The following CTXN3 variants were observed in gnomAD, a reference collection of about 807,000 sequenced individuals.
CTXN3 encodes the protein cortexin 3.
CTXN3 carries 4 observed loss-of-function variants against 5.0 expected under a neutral mutation model. That is an observed-to-expected ratio of 0.79 (90% confidence interval 0.39 to 1.82). CTXN3 has a LOEUF of 1.82. CTXN3 is among the 40% of genes most tolerant of loss of function. CTXN3 has a pLI of 0.04. For missense variants in CTXN3, 89 were observed against 99.7 expected, an observed-to-expected ratio of 0.89 and a Z score of 0.46; for synonymous variants, 48 against 38.6, an observed-to-expected ratio of 1.24 and a Z score of -0.91.
chr5:127,657,352 T>C, intron 2 of CTXN3, 71 bp from the exon 3 acceptor site: 1 of 657,212 alleles, frequency 1.5e-6, no homozygotes, highest in Non-Finnish European at 2.5e-6. Flanking sequence ...CTCTGAAAAA[T>C]ATGACTGTGA....
rs1223390831 is a variant in CTXN3, at chr5:127,658,492, A to C, written c.*725A>C. On this transcript the variant is annotated 3_prime_UTR_variant, in exon 3 of 3. Transcript: ENST00000379445. ...AATTTACACTTTACACAAATGATTT[A>C]AAAAATAGGTTGCAAGTGCAGCTTA... The C allele has an allele frequency of 6.0e-6, 1 of 167,146 alleles. No homozygotes were observed. The highest frequency in any genetic ancestry group is 2.4e-5 in the African/African-American group (1 of 41,472). 10.4% of individuals were successfully genotyped at this position (167,146 alleles called of 1,614,324 possible). A position where few individuals can be genotyped will look rare whatever the true frequency, so the allele number is the denominator to read the frequency against.
intron 2 of CTXN3, among the ~76,000 whole-genome samples, chr5:127,654,651 G>C (rs1749864610): frequency 6.6e-6 from 1 of 152,188 alleles, no homozygotes; most frequent in Admixed American, 6.5e-5. Context: ...GAAAGTATGA[G>C]AGTTGATCCA....
Position 127,657,734 on chromosome 5 carries a change from G to A in CTXN3, c.213G>A (p.Leu71=), listed in dbSNP as rs1359498132. 6.2e-7 allele frequency: 1 copy of A among 1,614,068 alleles called. No individual in the cohort carries two copies. Among genetic ancestry groups the A allele is most frequent in the Non-Finnish European group, 8.5e-7 (1 of 1,180,024 alleles). The stretch of plus-strand genomic sequence containing the variant: ...CCTGGGCTGATGGACTTGAAGGCCT[G>A]GAGAAAGGGCAGTTCGACCATGCCC... ...TSTWADGLEG[L]EKGQFDHALA The change falls in exon 3 of 3, where the codon CTG becomes CTA. Residue 71 remains leucine, a synonymous_variant. Coordinates refer to ENST00000379445, the MANE Select transcript of CTXN3 (RefSeq NM_001048252.3).
chr5:127,649,360 G>A lies in CTXN3; in HGVS notation c.-235G>A, dbSNP rs917509934. 1 of 152,160 alleles carries A rather than the reference G, an allele frequency of 6.6e-6. No homozygotes were observed. The allele number at this position is 152,160 out of a possible 1,614,324, so 9.4% of individuals were successfully genotyped here. A position where few individuals can be genotyped will look rare whatever the true frequency, so the allele number is the denominator to read the frequency against. ...ACCTGTAACTGTTCCACCAGGAAATGGATCAAGTGTTTGTTCAGCCAGAGC... is the reference window on the plus strand; with the variant it reads ...ACCTGTAACTGTTCCACCAGGAAATAGATCAAGTGTTTGTTCAGCCAGAGC... On this transcript the variant is annotated 5_prime_UTR_variant, in exon 1 of 3. The change abolishes an upstream ATG in the 5' untranslated region. Transcript: ENST00000379445.
At chr5:127,655,945 T>G (rs12519747) in intron 2 of CTXN3, among the ~76,000 whole-genome samples, 26,187 of 152,130 alleles carry the variant, frequency 0.17, 2,725 homozygotes, top group East Asian at 0.3. Flanking sequence ...TTTTTTAAAC[T>G]GTAATTTTAC....
At chr5:127,654,814 G>A (rs1749868688) in intron 2 of CTXN3, among the ~76,000 whole-genome samples, 2 of 152,128 alleles carry the variant, frequency 1.3e-5, no homozygotes, top group Non-Finnish European at 2.9e-5. Context: ...CTTGTGCTGA[G>A]GAGGTCATTC....
chr5:127,650,233 C>T (rs1749755994), intron 1 of CTXN3, among the ~76,000 whole-genome samples: 2 of 152,156 alleles, frequency 1.3e-5, no homozygotes, highest in South Asian at 4.1e-4. Flanking sequence ...TGCAGGCTGA[C>T]TTTGCAGAAA....
chr5:127,657,933 T>G lies in CTXN3; in HGVS notation c.*166T>G. On this transcript the variant is annotated 3_prime_UTR_variant, in exon 3 of 3. Coordinates refer to ENST00000379445, the MANE Select transcript of CTXN3 (RefSeq NM_001048252.3). Reference sequence around the variant, plus strand: ...CAGTTGGGTTAAAGACATTTGAGGATGTTGGAAATGGACACTTATATAACT... The same window carrying G: ...CAGTTGGGTTAAAGACATTTGAGGAGGTTGGAAATGGACACTTATATAACT... 1.3e-6 allele frequency: 1 copy of G among 784,504 alleles called. No individual in the cohort carries two copies. The highest frequency in any genetic ancestry group is 2.0e-6 in the Non-Finnish European group (1 of 494,566). The allele number at this position is 784,504 out of a possible 1,614,324, so 48.6% of individuals were successfully genotyped here. A position where few individuals can be genotyped will look rare whatever the true frequency, so the allele number is the denominator to read the frequency against.
rs372567119 is a variant in CTXN3, at chr5:127,654,443, C to A, written c.-100+1020C>A. ...TCAAATTAAAACTGATTTTAAAAAT[C>A]ATTCTAATACTTGGCATCCTCGTGC... On this transcript the variant is annotated intron_variant, in intron 2 of 2. Coordinates refer to ENST00000379445, the MANE Select transcript of CTXN3 (RefSeq NM_001048252.3). Among the ~76,000 whole-genome samples the A allele has an allele frequency of 1.4e-4, 21 of 152,304 alleles. No homozygotes were observed. The South Asian group carries it at 2.3e-3, about 17-fold the overall frequency.
At chr5:127,654,852 G>A (rs193202455) in intron 2 of CTXN3, among the ~76,000 whole-genome samples, 2 of 152,236 alleles carry the variant, frequency 1.3e-5, no homozygotes, top group Non-Finnish European at 2.9e-5. Context: ...TCTCTATCTA[G>A]TTCTTACCTG....
Position 127,657,849 on chromosome 5 carries a change from C to A in CTXN3, c.*82C>A. ...GATTCCCTTTATTTAGTGTTCTCAA[C>A]AAATCAAATTTAAACAATATTTGGT... On this transcript the variant is annotated 3_prime_UTR_variant, in exon 3 of 3. Transcript: ENST00000379445. The A allele has an allele frequency of 6.6e-7, 1 of 1,508,956 alleles. No individual in the cohort carries two copies. The highest frequency in any genetic ancestry group is 1.2e-5 in the South Asian group (1 of 81,166). The allele number at this position is 1,508,956 out of a possible 1,614,324, so 93.5% of individuals were successfully genotyped here. A position where few individuals can be genotyped will look rare whatever the true frequency, so the allele number is the denominator to read the frequency against.
At chr5:127,650,200 C>T (rs769347142) in intron 1 of CTXN3, among the ~76,000 whole-genome samples, 12 of 152,158 alleles carry the variant, frequency 7.9e-5, no homozygotes, top group African/African-American at 2.9e-4. Flanking sequence ...ACAGGGTCCA[C>T]TCCCAGCCCA....
chr5:127,653,005 A>T (rs1469462242), intron 1 of CTXN3: 1 of 152,260 alleles, frequency 6.6e-6, no homozygotes, highest in Non-Finnish European at 1.5e-5. Context: ...GGCTGTGGAC[A>T]CTGGGGTGCA....
chr5:127,654,794 A>G (rs1046157378), intron 2 of CTXN3, among the ~76,000 whole-genome samples: 6 of 152,144 alleles, frequency 3.9e-5, no homozygotes, highest in Admixed American at 1.3e-4. Context: ...TCACCGTCCT[A>G]GTCAGCCTGC....
rs1165304940 is a variant in CTXN3 at position 127,649,202 on chromosome 5, T to C, written c.-393T>C. On this transcript the variant is annotated 5_prime_UTR_variant, in exon 1 of 3. It removes the in-frame stop codon of an upstream open reading frame in the 5' UTR. Transcript: ENST00000379445. ...ACGATGCTCCTTTAACTCGGGGTTT[T>C]AATGGGAAGTTTCTAAGCCTGAAAC... 6.6e-6 allele frequency: 1 copy of C among 152,224 alleles called. No homozygotes were observed. Among genetic ancestry groups the C allele is most frequent in the African/African-American group, 2.4e-5 (1 of 41,448 alleles). 9.4% of individuals were successfully genotyped at this position (152,224 alleles called of 1,614,324 possible). A position where few individuals can be genotyped will look rare whatever the true frequency, so the allele number is the denominator to read the frequency against.
At chr5:127,649,632 G>T (rs67143037) in intron 1 of CTXN3, among the ~76,000 whole-genome samples, 19,198 of 152,184 alleles carry the variant, frequency 0.13, 1,400 homozygotes, top group Non-Finnish European at 0.16. Flanking sequence ...ACTGGATGAA[G>T]AAGTAGTAAA....
chr5:127,656,337 C>A (rs1749906959), intron 2 of CTXN3, among the ~76,000 whole-genome samples: 1 of 152,106 alleles, frequency 6.6e-6, no homozygotes, highest in African/African-American at 2.4e-5. Flanking sequence ...CGGTAATATA[C>A]ACTTGTATAT....
At position 127,649,128 on chromosome 5, in the gene CTXN3, C is replaced by T. The variant is rs553504081; in HGVS notation, c.-467C>T. On this transcript the variant is annotated 5_prime_UTR_variant, in exon 1 of 3. Transcript: ENST00000379445. Reference sequence around the variant, plus strand: ...GAGGCAGAACTGAAATCATGGCTCACCTCAAAGAAGCAGCAGTATTGGCCG... The same window carrying T: ...GAGGCAGAACTGAAATCATGGCTCATCTCAAAGAAGCAGCAGTATTGGCCG... The T allele has an allele frequency of 3.3e-5, 5 of 152,260 alleles. No homozygotes were observed. The East Asian group carries it at 7.7e-4, about 24-fold the overall frequency. 9.4% of individuals were successfully genotyped at this position (152,260 alleles called of 1,614,324 possible). A position where few individuals can be genotyped will look rare whatever the true frequency, so the allele number is the denominator to read the frequency against.
chr5:127,652,268 C>G (rs1328759345), intron 1 of CTXN3: 1 of 152,166 alleles, frequency 6.6e-6, no homozygotes, highest in Non-Finnish European at 1.5e-5. Flanking sequence ...ATGTGATGGT[C>G]CAGCACCTCA....
Sources: allele counts gnomAD v4.1 joint callset (sites outside exome capture counted in the v4.1 genomes callset), GRCh38; gene constraint gnomAD v4.1.1; transcripts MANE v1.5; gene names NCBI Gene and HGNC (gene_info 2026-07-23, HGNC 2026-07-21).